SHQ1: variants seen among roughly 807,000 people sequenced by gnomAD.
The protein encoded by SHQ1 is SHQ1, H/ACA ribonucleoprotein assembly factor.
Under a neutral mutation model 53.8 loss-of-function variants are expected in SHQ1, and 49 were observed. The observed-to-expected ratio is 0.91, with a 90% CI of 0.72 to 1.16. The LOEUF (loss-of-function observed/expected upper bound fraction) is 1.16. Among genes scored for constraint, SHQ1 ranks in the 50% most tolerant of loss-of-function variants. The probability of loss-of-function intolerance (pLI) is 0.00; values close to 1 mark genes in which losing one functional copy is unlikely to be tolerated. For synonymous variants in SHQ1, 243 were observed against 251.0 expected (o/e 0.97, Z 0.30); for missense variants, 738 against 683.1 (o/e 1.08, Z -0.90).
At chr3:72,784,841 T>G (rs530154035) in intron 10 of SHQ1, among the ~76,000 whole-genome samples, 2 of 152,296 alleles carry the variant, frequency 1.3e-5, no homozygotes, top group Non-Finnish European at 2.9e-5. Flanking sequence ...CATCAGTGAC[T>G]TGGGGGGTGG....
intron 4 of SHQ1, 144 bp downstream of exon 4, chr3:72,840,901 G>A (rs1708160325): frequency 1.1e-6 from 1 of 875,394 alleles, no homozygotes; most frequent in Non-Finnish European, 1.7e-6. Flanking sequence ...GCACATCTAT[G>A]TACTTTAGCT....
chr3:72,752,673 C>T (rs983983029), intron 10 of SHQ1, among the ~76,000 whole-genome samples: 3 of 152,066 alleles, frequency 2.0e-5, no homozygotes, highest in East Asian at 1.9e-4. Context: ...ACTACAGGCG[C>T]GTACCACCAT....
chr3:72,798,464 G>GA (rs1706693244), intron 9 of SHQ1, among the ~76,000 whole-genome samples: 1 of 152,206 alleles, frequency 6.6e-6, no homozygotes, highest in South Asian at 2.1e-4. Flanking sequence ...ACAACACAGA[G>GA]AAACGTAATG....
At chr3:72,733,662 C>T in the SHQ1 span, among the ~76,000 whole-genome samples, 14 of 151,462 alleles carry the variant, frequency 9.2e-5, 1 homozygote, top group African/African-American at 2.7e-4. Flanking sequence ...AATTGAAGCC[C>T]GGGAACATTT....
Position 72,802,461 on chromosome 3 carries a change from C to A in SHQ1, c.1061-9425G>T, listed in dbSNP as rs143651818. Among the ~76,000 whole-genome samples, 358 of 152,316 alleles carry A rather than the reference C, an allele frequency of 2.4e-3. 1 individual carries two copies. The highest frequency in any genetic ancestry group is 4.1e-3 in the Non-Finnish European group (279 of 68,026). On this transcript the variant is annotated intron_variant, in intron 9 of 10. Transcript: ENST00000325599. ...TTCCTCCCTGAATAAGACCCAAACT[C>A]ATCAGCAAGCCATTGCAGGCTCCTT...
downstream of SHQ1, among the ~76,000 whole-genome samples, chr3:72,746,557 C>T (rs1705262662): frequency 6.6e-6 from 1 of 152,112 alleles, no homozygotes; most frequent in South Asian, 2.1e-4. Context: ...GAAACACTGC[C>T]GACACGGACT....
intron 6 of SHQ1, 92 bp from the exon 7 acceptor site, chr3:72,817,476 G>C: frequency 8.1e-7 from 1 of 1,227,062 alleles, no homozygotes; most frequent in Non-Finnish European, 1.1e-6. Context: ...TTTGATTATA[G>C]AAACTGAAAT....
At chr3:72,813,492 G>A (rs1042971409) in intron 8 of SHQ1, among the ~76,000 whole-genome samples, 35 of 148,014 alleles carry the variant, frequency 2.4e-4, no homozygotes, top group African/African-American at 8.5e-4. Flanking sequence ...AAGGCCGGGT[G>A]CGGTGGCTCA....
chr3:72,823,950 C>T (rs543874648), intron 6 of SHQ1, among the ~76,000 whole-genome samples: 1 of 152,256 alleles, frequency 6.6e-6, no homozygotes, highest in South Asian at 2.1e-4. Context: ...TGTTATATTT[C>T]TAATGTATAG....
intron 10 of SHQ1, chr3:72,772,909 T>C (rs1313146895): frequency 1.2e-6 from 1 of 818,624 alleles, no homozygotes; most frequent in African/African-American, 1.7e-5. Flanking sequence ...TGTTACAACT[T>C]CTAAATGGGA....
At chr3:72,744,861 T>C (rs1484323119), downstream of SHQ1, among the ~76,000 whole-genome samples, 1 of 145,498 alleles carries the variant, frequency 6.9e-6, no homozygotes, top group African/African-American at 2.5e-5. Context: ...TTTGCGTTTA[T>C]GAAGCTTCAT....
intron 5 of SHQ1, among the ~76,000 whole-genome samples, chr3:72,827,807 T>A (rs1707705614): frequency 6.8e-6 from 1 of 146,298 alleles, no homozygotes; most frequent in Non-Finnish European, 1.5e-5. Context: ...CAGGCTGGAG[T>A]GCAGTGGCGC....
intron 9 of SHQ1, 68 bp from the exon 10 acceptor site, chr3:72,793,104 T>C: frequency 7.3e-7 from 1 of 1,363,824 alleles, no homozygotes. Context: ...AGAGGTAATA[T>C]ATCTAAAGCA....
chr3:72,829,434 C>T (rs1335900203), intron 5 of SHQ1, among the ~76,000 whole-genome samples: 4 of 152,220 alleles, frequency 2.6e-5, no homozygotes, highest in Non-Finnish European at 5.9e-5. Flanking sequence ...TTGCCGTAGG[C>T]ACCACGGTGT....
At chr3:72,758,570 T>TTC (rs1472752174) in intron 10 of SHQ1, among the ~76,000 whole-genome samples, 10 of 145,730 alleles carry the variant, frequency 6.9e-5, no homozygotes, top group African/African-American at 2.1e-4. Flanking sequence ...ATTTTTTCTT[T>TTC]TTTTTTTTTT....
chr3:72,812,631 CTTT>C, intron 9 of SHQ1, 37 bp downstream of exon 9: 1 of 1,606,400 alleles, frequency 6.2e-7, no homozygotes, highest in South Asian at 1.1e-5. Flanking sequence ...AAACTTACAA[CTTT>C]TTCCCTCCCA....
At chr3:72,727,619 G>A in the SHQ1 span, among the ~76,000 whole-genome samples, 3 of 152,164 alleles carry the variant, frequency 2.0e-5, no homozygotes, top group Admixed American at 6.5e-5. Context: ...TTTCAGAAGC[G>A]TTTTGTTTTG....
At chr3:72,805,340 G>A (rs1030024912) in intron 9 of SHQ1, among the ~76,000 whole-genome samples, 7 of 152,032 alleles carry the variant, frequency 4.6e-5, no homozygotes, top group African/African-American at 1.7e-4. Context: ...ACTTCATCAA[G>A]GCCTCAGTAT....
intron 10 of SHQ1, among the ~76,000 whole-genome samples, chr3:72,771,385 A>C (rs561889668): frequency 6.6e-6 from 1 of 152,354 alleles, no homozygotes; most frequent in Admixed American, 6.5e-5. Flanking sequence ...CAAATCTAAC[A>C]AGGTGAAACT....
Sources: gnomAD v4.1 joint callset for allele counts (sites outside exome capture counted in the v4.1 genomes callset) on GRCh38, gnomAD v4.1.1 for gene constraint, MANE v1.5 for transcripts, NCBI Gene and HGNC (gene_info 2026-07-23, HGNC 2026-07-21) for gene names.